THSD4: variants seen among roughly 807,000 people sequenced by gnomAD.
THSD4 encodes thrombospondin type 1 domain containing 4.
A neutral mutation model predicts 119.0 loss-of-function variants in THSD4; 69 were observed. That is an observed-to-expected ratio of 0.58 (90% CI 0.48 to 0.71). THSD4 has a LOEUF of 0.71. Among genes scored for constraint, THSD4 ranks in the 30% least tolerant of loss-of-function variants. The pLI is 0.00. For missense variants in THSD4, 1,393 were observed against 1,391.1 expected, an observed-to-expected ratio of 1.00 and a Z score of -0.02; for synonymous variants, 524 against 540.4, an observed-to-expected ratio of 0.97 and a Z score of 0.42.
At chr15:71,626,997 T>A (rs960082798) in intron 7 of THSD4, among the ~76,000 whole-genome samples, 1 of 152,182 alleles carries the variant, frequency 6.6e-6, no homozygotes, top group African/African-American at 2.4e-5. Flanking sequence ...AGGTAGGACA[T>A]AGGAAGATTC....
At chr15:71,367,650 G>T (rs953440336) in intron 6 of THSD4, among the ~76,000 whole-genome samples, 3 of 152,178 alleles carry the variant, frequency 2.0e-5, no homozygotes, top group Non-Finnish European at 4.4e-5. Flanking sequence ...TCCATGGTGT[G>T]TATGTGCCAC....
intron 7 of THSD4, among the ~76,000 whole-genome samples, chr15:71,509,654 T>C (rs2048248345): frequency 6.6e-6 from 1 of 152,230 alleles, no homozygotes; most frequent in Admixed American, 6.5e-5. Context: ...ACATATTTTA[T>C]TGGCTGCTTT....
chr15:71,381,148 TAC>T (rs1418748283), intron 6 of THSD4, among the ~76,000 whole-genome samples: 3 of 152,136 alleles, frequency 2.0e-5, no homozygotes, highest in African/African-American at 7.2e-5. Context: ...CTTGATGAGT[TAC>T]AGAGTGCAGA....
intron 7 of THSD4, among the ~76,000 whole-genome samples, chr15:71,598,174 T>A (rs561651565): frequency 6.6e-6 from 1 of 152,186 alleles, no homozygotes; most frequent in East Asian, 1.9e-4. Context: ...AGTTTTAAAG[T>A]TAGACCTTGA....
At chr15:71,367,498 T>G (rs2045981397) in intron 6 of THSD4, among the ~76,000 whole-genome samples, 1 of 152,236 alleles carries the variant, frequency 6.6e-6, no homozygotes, top group Admixed American at 6.5e-5. Flanking sequence ...GTGTTCTCAT[T>G]GTTCAATTCC....
chr15:71,514,112 G>A (rs536224155), intron 7 of THSD4, among the ~76,000 whole-genome samples: 5 of 152,238 alleles, frequency 3.3e-5, no homozygotes, highest in Non-Finnish European at 7.3e-5. Context: ...ACAGATCTCA[G>A]GGCTAGGGCC....
rs2053993795 is a variant in THSD4, at chr15:71,781,246, A to T, written c.*3872A>T. On this transcript the variant is annotated 3_prime_UTR_variant, in exon 18 of 18. Coordinates refer to ENST00000261862, the MANE Select transcript of THSD4 (RefSeq NM_024817.3). ...AAAAAGATCAGGGAGACTAGAATAA[A>T]ACTTGGATGTTAAAAATTCACCAGG... 6.4e-6 allele frequency: 1 copy of T among 156,384 alleles called. No individual in the cohort carries two copies. The highest frequency in any genetic ancestry group is 2.4e-5 in the African/African-American group (1 of 41,542). 9.7% of individuals were successfully genotyped at this position (156,384 alleles called of 1,614,324 possible).
At chr15:71,213,981 T>C (rs2043908159) in intron 3 of THSD4, among the ~76,000 whole-genome samples, 1 of 152,170 alleles carries the variant, frequency 6.6e-6, no homozygotes, top group African/African-American at 2.4e-5. Flanking sequence ...GGGGACTTCC[T>C]AGGTCGAGTG....
At chr15:71,180,481 T>C (rs1291311708) in intron 3 of THSD4, among the ~76,000 whole-genome samples, 1 of 152,202 alleles carries the variant, frequency 6.6e-6, no homozygotes, top group African/African-American at 2.4e-5. Context: ...GATATGTGCA[T>C]TATCTGATTG....
intron 7 of THSD4, among the ~76,000 whole-genome samples, chr15:71,445,009 A>G (rs1206523965): frequency 1.3e-5 from 2 of 152,082 alleles, no homozygotes; most frequent in Non-Finnish European, 2.9e-5. Flanking sequence ...TCCATTCTTA[A>G]AGCAAACATT....
chr15:71,610,801 C>T (rs2050209181), intron 7 of THSD4, among the ~76,000 whole-genome samples: 1 of 152,122 alleles, frequency 6.6e-6, no homozygotes, highest in African/African-American at 2.4e-5. Flanking sequence ...TAATCATTCT[C>T]CAGATATAAA....
At chr15:71,137,722 C>T (rs970019801) in intron 1 of THSD4, among the ~76,000 whole-genome samples, 2 of 152,176 alleles carry the variant, frequency 1.3e-5, no homozygotes, top group East Asian at 1.9e-4. Context: ...GCTCATCAGC[C>T]GTATCCTGAG....
chr15:71,215,683 C>G (rs1344891643), intron 4 of THSD4, among the ~76,000 whole-genome samples: 2 of 152,164 alleles, frequency 1.3e-5, no homozygotes, highest in African/African-American at 4.8e-5. Context: ...TTTAGGGAGG[C>G]CTCCTAGAGG....
chr15:71,659,649 C>G (rs923702041), intron 7 of THSD4, among the ~76,000 whole-genome samples: 1 of 152,106 alleles, frequency 6.6e-6, no homozygotes, highest in Non-Finnish European at 1.5e-5. Flanking sequence ...TAAGCTCAAG[C>G]AGTCCTCCTG....
intron 7 of THSD4, among the ~76,000 whole-genome samples, chr15:71,652,950 C>A (rs2051120822): frequency 6.6e-6 from 1 of 152,170 alleles, no homozygotes; most frequent in African/African-American, 2.4e-5. Flanking sequence ...CAGCAAATTT[C>A]CCTCCCTTTA....
chr15:71,694,093 T>G (rs960565822), intron 8 of THSD4, among the ~76,000 whole-genome samples: 4 of 152,086 alleles, frequency 2.6e-5, no homozygotes, highest in Non-Finnish European at 4.4e-5. Flanking sequence ...CATAAAGATC[T>G]CCTCTCAGAT....
intron 15 of THSD4, among the ~76,000 whole-genome samples, chr15:71,759,575 T>C (rs1207189405): frequency 6.6e-6 from 1 of 152,228 alleles, no homozygotes; most frequent in Non-Finnish European, 1.5e-5. Flanking sequence ...TCATTACTGG[T>C]AGTAAAATAC....
intron 7 of THSD4, among the ~76,000 whole-genome samples, chr15:71,517,398 T>C (rs528372591): frequency 6.6e-6 from 1 of 152,318 alleles, no homozygotes; most frequent in South Asian, 2.1e-4. Flanking sequence ...CTGTGTGTCC[T>C]AACCTCACTT....
intron 7 of THSD4, among the ~76,000 whole-genome samples, chr15:71,557,255 A>G (rs192207766): frequency 2.8e-4 from 43 of 152,274 alleles, no homozygotes; most frequent in African/African-American, 7.2e-4. Context: ...TTACTTTTTT[A>G]ATCTGTCAGT....
Sources: gnomAD v4.1 joint callset for allele counts (sites outside exome capture counted in the v4.1 genomes callset) on GRCh38, gnomAD v4.1.1 for gene constraint, MANE v1.5 for transcripts, NCBI Gene and HGNC (gene_info 2026-07-23, HGNC 2026-07-21) for gene names.